KLHL1: variants seen among roughly 807,000 people sequenced by gnomAD.
KLHL1 encodes kelch-like protein 1.
KLHL1 carries 47 observed loss-of-function variants against 77.7 expected under a neutral mutation model. That is an observed-to-expected ratio of 0.60 (90% CI 0.48 to 0.77). KLHL1 has a LOEUF of 0.77. Among genes scored for constraint, KLHL1 ranks in the 30% least tolerant of loss-of-function variants. KLHL1 has a pLI of 0.00. For synonymous variants in KLHL1, 360 were observed against 325.2 expected, an observed-to-expected ratio of 1.11 and a Z score of -1.15; for missense variants, 925 against 910.8, an observed-to-expected ratio of 1.02 and a Z score of -0.20.
intron 1 of KLHL1, among the ~76,000 whole-genome samples, chr13:70,018,046 T>C (rs997177723): frequency 1.8e-4 from 19 of 106,098 alleles, no homozygotes; most frequent in African/African-American, 6.3e-4. Flanking sequence ...TAAATAGAAC[T>C]AGCGCAAAAA....
At chr13:70,012,593 C>T (rs756358729) in intron 1 of KLHL1, among the ~76,000 whole-genome samples, 2 of 151,956 alleles carry the variant, frequency 1.3e-5, no homozygotes, top group Non-Finnish European at 2.9e-5. Flanking sequence ...TTAGATTATT[C>T]TAGAAACTCA....
intron 5 of KLHL1, among the ~76,000 whole-genome samples, chr13:69,841,648 C>T (rs984595400): frequency 6.6e-6 from 1 of 151,700 alleles, no homozygotes; most frequent in African/African-American, 2.4e-5. Flanking sequence ...ATTCTATAGG[C>T]TAAACACAAT....
At chr13:69,958,931 C>T (rs1486244925) in intron 3 of KLHL1, among the ~76,000 whole-genome samples, 1 of 151,942 alleles carries the variant, frequency 6.6e-6, no homozygotes, top group Non-Finnish European at 1.5e-5. Flanking sequence ...CAACTGATCA[C>T]TTGTTCTTTT....
At chr13:69,808,867 CCAAA>C (rs71688236) in intron 6 of KLHL1, among the ~76,000 whole-genome samples, 56,294 of 151,382 alleles carry the variant, frequency 0.37, 10,757 homozygotes, top group African/African-American at 0.46. Flanking sequence ...TTGGAAAGAA[CCAAA>C]CAGATTTTCT....
At chr13:69,980,078 G>A (rs1377134807) in intron 1 of KLHL1, among the ~76,000 whole-genome samples, 1 of 152,134 alleles carries the variant, frequency 6.6e-6, no homozygotes, top group African/African-American at 2.4e-5. Context: ...GCTGAGAACT[G>A]ACCAACATGC....
At chr13:70,097,238 A>C (rs1361548955) in intron 1 of KLHL1, among the ~76,000 whole-genome samples, 1 of 152,070 alleles carries the variant, frequency 6.6e-6, no homozygotes, top group East Asian at 1.9e-4. Flanking sequence ...TACAAATGTG[A>C]GTCCTATAAG....
At chr13:69,962,505 G>GT (rs539249986) in intron 2 of KLHL1, among the ~76,000 whole-genome samples, 14 of 151,678 alleles carry the variant, frequency 9.2e-5, no homozygotes, top group African/African-American at 2.7e-4. Context: ...GGCATTTTGT[G>GT]TTTTTTTCTA....
intron 8 of KLHL1, among the ~76,000 whole-genome samples, chr13:69,738,048 C>T (rs1490781501): frequency 6.6e-6 from 1 of 152,140 alleles, no homozygotes; most frequent in Non-Finnish European, 1.5e-5. Context: ...AAGCTGCCAT[C>T]TTTGCTAGTC....
At chr13:69,924,393 A>C (rs1040163455) in intron 4 of KLHL1, among the ~76,000 whole-genome samples, 3 of 150,482 alleles carry the variant, frequency 2.0e-5, no homozygotes, top group Non-Finnish European at 4.4e-5. Context: ...AGCCCATAAA[A>C]CCCCCCAGAC....
intron 1 of KLHL1, among the ~76,000 whole-genome samples, chr13:69,997,568 C>T (rs899315011): frequency 1.3e-5 from 2 of 150,906 alleles, no homozygotes; most frequent in Non-Finnish European, 3.0e-5. Flanking sequence ...ACTTGTCCAT[C>T]TGTGACTGGC....
intron 5 of KLHL1, among the ~76,000 whole-genome samples, chr13:69,852,932 C>T (rs1362950719): frequency 6.6e-6 from 1 of 151,782 alleles, no homozygotes; most frequent in African/African-American, 2.4e-5. Flanking sequence ...TGTGTCAAAC[C>T]CTATGCCAGA....
At chr13:69,904,531 G>T (rs375257585) in intron 4 of KLHL1, among the ~76,000 whole-genome samples, 4 of 152,116 alleles carry the variant, frequency 2.6e-5, no homozygotes, top group African/African-American at 9.6e-5. Context: ...ATTCCCATTA[G>T]CCCTGGTACT....
intron 1 of KLHL1, among the ~76,000 whole-genome samples, chr13:70,022,541 A>G (rs1253402138): frequency 1.3e-5 from 2 of 151,868 alleles, no homozygotes; most frequent in African/African-American, 4.8e-5. Flanking sequence ...AAACAGGAAT[A>G]TTATGAAAAA....
chr13:69,894,147 T>G (rs1466053018), intron 4 of KLHL1: 1 of 152,466 alleles, frequency 6.6e-6, no homozygotes, highest in East Asian at 1.9e-4. Flanking sequence ...TTGAAGTCAT[T>G]GTGTTACTTT....
At chr13:69,999,898 T>C (rs957911721) in intron 1 of KLHL1, among the ~76,000 whole-genome samples, 1 of 152,008 alleles carries the variant, frequency 6.6e-6, no homozygotes, top group Non-Finnish European at 1.5e-5. Context: ...GATACTAATA[T>C]AGTCGGGATG....
chr13:69,773,663 T>C (rs1875686678), intron 7 of KLHL1, among the ~76,000 whole-genome samples: 1 of 151,912 alleles, frequency 6.6e-6, no homozygotes, highest in Non-Finnish European at 1.5e-5. Context: ...GTCTTTCGAG[T>C]ATGGAGCACA....
chr13:69,758,050 A>G (rs1316277916), intron 7 of KLHL1, among the ~76,000 whole-genome samples: 2 of 151,892 alleles, frequency 1.3e-5, no homozygotes, highest in African/African-American at 4.8e-5. Context: ...TTTAAAAGTA[A>G]AAACCTTTAT....
chr13:70,044,571 G>C (rs963529727), intron 1 of KLHL1, among the ~76,000 whole-genome samples: 6 of 151,652 alleles, frequency 4.0e-5, no homozygotes, highest in Non-Finnish European at 8.8e-5. Context: ...CCTATACCAA[G>C]ATACATGCCT....
intron 8 of KLHL1, among the ~76,000 whole-genome samples, chr13:69,739,143 A>G (rs1039307093): frequency 5.3e-5 from 8 of 152,192 alleles, no homozygotes; most frequent in Non-Finnish European, 8.8e-5. Context: ...TTTCATAGCT[A>G]GCTTAACTAA....
Sources: gnomAD v4.1 joint callset for allele counts (sites outside exome capture counted in the v4.1 genomes callset) on GRCh38, gnomAD v4.1.1 for gene constraint, MANE v1.5 for transcripts, NCBI Gene and HGNC (gene_info 2026-07-23, HGNC 2026-07-21) for gene names.